ZNF385D: variants seen among roughly 807,000 people sequenced by gnomAD.
ZNF385D encodes zinc finger protein 385D.
A neutral mutation model predicts 35.8 loss-of-function variants in ZNF385D; 15 were observed. The ratio of observed to expected loss-of-function variants is 0.42; its 90% CI spans 0.28 to 0.64. The LOEUF (loss-of-function observed/expected upper bound fraction) is 0.64, where lower values mean the gene tolerates loss of function less well. ZNF385D is among the 30% of genes least tolerant of loss of function. The pLI, the probability that ZNF385D is intolerant of heterozygous loss-of-function variation, is 0.23. For missense variants in ZNF385D, 474 were observed against 494.6 expected (o/e 0.96, Z 0.39); for synonymous variants, 212 against 186.8 (o/e 1.13, Z -1.10).
In ZNF385D at chr3:21,840,454, CTCCT is replaced by C. The variant is rs1218991716; in HGVS notation, c.326-175430_326-175427del. Among the ~76,000 whole-genome samples the C allele has an allele frequency of 4.6e-5, 7 of 152,192 alleles. No homozygotes were observed. In the East Asian group the frequency reaches 1.4e-3, roughly 30 times the overall value. On this transcript the variant is annotated intron_variant, in intron 3 of 5. Transcript: ENST00000494108. ...CTGATATCTTCATATCGACATTGCACTCCTTCCTTTTGTCTAGTTGAATAGTGCT... is the reference window on the plus strand; with the variant it reads ...CTGATATCTTCATATCGACATTGCACTCCTTTTGTCTAGTTGAATAGTGCT...
At chr3:22,034,161 T>C (rs776735069) in intron 3 of ZNF385D, among the ~76,000 whole-genome samples, 3 of 152,174 alleles carry the variant, frequency 2.0e-5, no homozygotes, top group East Asian at 1.9e-4. Context: ...CCCAATGTGA[T>C]TGCATTATAA....
At chr3:21,857,445 T>C (rs1696787885) in intron 3 of ZNF385D, among the ~76,000 whole-genome samples, 1 of 152,010 alleles carries the variant, frequency 6.6e-6, no homozygotes, top group African/African-American at 2.4e-5. Context: ...TTTGTTGTTG[T>C]TGCTGTTCCT....
chr3:21,665,312 C>G lies in ZNF385D; in HGVS notation c.23-284G>C, dbSNP rs115188825. Among the ~76,000 whole-genome samples, 981 of 152,262 alleles carry G rather than the reference C, an allele frequency of 6.4e-3. 10 individuals are homozygous for G. Among genetic ancestry groups the G allele is most frequent in the African/African-American group, 0.022 (905 of 41,544 alleles). ...GTCTTTATTTTCCTGCCTAGAGCTC[C>G]AGATTGGGTCAGTCACAAATCTGCA... On this transcript the variant is annotated intron_variant, in intron 1 of 7. Transcript: ENST00000281523.
At position 21,785,392 on chromosome 3, in the gene ZNF385D, A is replaced by ATG. The variant is rs998649964; in HGVS notation, c.326-120366_326-120365dup. On this transcript the variant is annotated intron_variant, in intron 3 of 5. Coordinates refer to the ZNF385D transcript ENST00000494108. ...CATCATTTTTTTTGTGTGTATATAT[A>ATG]TGTGTGTGTGAGAACACTTAAGAAT... 5.9e-5 allele frequency among the ~76,000 whole-genome samples: 9 copies of ATG among 152,252 alleles called. 1 individual carries two copies. Among genetic ancestry groups the ATG allele is most frequent in the East Asian group, 1.9e-4 (1 of 5,180 alleles).
intron 3 of ZNF385D, among the ~76,000 whole-genome samples, chr3:21,558,281 T>C (rs1224634706): frequency 6.6e-6 from 1 of 152,152 alleles, no homozygotes; most frequent in African/African-American, 2.4e-5. Context: ...TGCTTTCTCT[T>C]GTGGGCATCT....
At position 22,238,706 on chromosome 3, in the gene ZNF385D, G is replaced by A. The variant is rs1302893040; in HGVS notation, c.107-69671C>T. 2.0e-5 allele frequency among the ~76,000 whole-genome samples: 3 copies of A among 150,490 alleles called. No homozygotes were observed. In the South Asian group the frequency reaches 6.5e-4, roughly 33 times the overall value. ...TGTGTATGTATTTGTGTGTATATGT[G>A]GGTGTGTAATGTTTCTTAATATTTT... On this transcript the variant is annotated intron_variant, in intron 2 of 5. Transcript: ENST00000494108.
chr3:21,458,441 C>T (rs1432685966), intron 4 of ZNF385D, among the ~76,000 whole-genome samples: 2 of 151,742 alleles, frequency 1.3e-5, no homozygotes, highest in East Asian at 2.0e-4. Context: ...AAGATCACAC[C>T]ACTGCACTCC....
chr3:21,976,349 T>C (rs1010490911), intron 3 of ZNF385D, among the ~76,000 whole-genome samples: 3 of 152,088 alleles, frequency 2.0e-5, no homozygotes, highest in Non-Finnish European at 2.9e-5. Context: ...AAATATAAAA[T>C]AGTTTTGATT....
At chr3:21,975,939 T>C (rs764762073) in intron 3 of ZNF385D, among the ~76,000 whole-genome samples, 3 of 151,922 alleles carry the variant, frequency 2.0e-5, no homozygotes, top group African/African-American at 7.3e-5. Context: ...AAGCCAAACA[T>C]ACTTGAAGGG....
chr3:21,559,627 GATT>G (rs1434370510), intron 3 of ZNF385D, among the ~76,000 whole-genome samples: 1 of 152,066 alleles, frequency 6.6e-6, no homozygotes, highest in East Asian at 1.9e-4. Context: ...TGAATCTGAT[GATT>G]ATGTGTCTTG....
intron 3 of ZNF385D, among the ~76,000 whole-genome samples, chr3:21,901,504 T>C (rs1381226998): frequency 6.6e-6 from 1 of 152,136 alleles, no homozygotes; most frequent in Non-Finnish European, 1.5e-5. Flanking sequence ...ACAGGAGTAA[T>C]AAAAATGGTT....
chr3:22,340,273 T>C (rs1695363262), intron 2 of ZNF385D, among the ~76,000 whole-genome samples: 1 of 152,156 alleles, frequency 6.6e-6, no homozygotes, highest in Non-Finnish European at 1.5e-5. Context: ...AAAGAACAGG[T>C]CTGGGTTCTA....
chr3:21,943,604 T>A (rs1461636993), intron 3 of ZNF385D, among the ~76,000 whole-genome samples: 1 of 152,102 alleles, frequency 6.6e-6, no homozygotes, highest in Non-Finnish European at 1.5e-5. Context: ...TTATATATAC[T>A]ACTTTGTAAG....
At position 22,158,527 on chromosome 3, in the gene ZNF385D, C is replaced by T. The variant is rs182505798; in HGVS notation, c.325+10290G>A. On this transcript the variant is annotated intron_variant, in intron 3 of 5. Transcript: ENST00000494108. ...TTTCAAGTTTCTTACAAAATACTAT[C>T]GCAATTTTGGAAGCAAGGAAAGAGA... is the stretch of plus-strand genomic sequence containing the variant. Among the ~76,000 whole-genome samples the T allele has an allele frequency of 7.2e-5, 11 of 152,164 alleles. No individual in the cohort carries two copies. In the East Asian group the frequency reaches 1.9e-3, roughly 27 times the overall value.
intron 3 of ZNF385D, among the ~76,000 whole-genome samples, chr3:22,017,860 T>A (rs1696983874): frequency 1.3e-5 from 2 of 151,940 alleles, no homozygotes; most frequent in Admixed American, 1.3e-4. Context: ...ACATACGTAT[T>A]TCATCTGAAT....
chr3:21,572,520 C>T (rs2063365708), intron 2 of ZNF385D, among the ~76,000 whole-genome samples: 1 of 152,134 alleles, frequency 6.6e-6, no homozygotes, highest in Non-Finnish European at 1.5e-5. Flanking sequence ...GAACTTAGGT[C>T]ATGTCCTTTT....
intron 5 of ZNF385D, among the ~76,000 whole-genome samples, chr3:21,436,136 C>A (rs938459693): frequency 1.3e-5 from 2 of 151,714 alleles, no homozygotes; most frequent in South Asian, 4.2e-4. Context: ...TCATTGTTTG[C>A]GAGACTGTGT....
chr3:21,902,895 G>A (rs1410669139), intron 3 of ZNF385D, among the ~76,000 whole-genome samples: 1 of 152,096 alleles, frequency 6.6e-6, no homozygotes, highest in Admixed American at 6.6e-5. Context: ...GTAACTGGCT[G>A]CTTTACTGAA....
At chr3:22,160,273 C>A (rs1389698731) in intron 3 of ZNF385D, among the ~76,000 whole-genome samples, 1 of 152,026 alleles carries the variant, frequency 6.6e-6, no homozygotes, top group Non-Finnish European at 1.5e-5. Context: ...AAAGAAGTTA[C>A]CATTATGAAA....
Sources: allele counts gnomAD v4.1 joint callset (sites outside exome capture counted in the v4.1 genomes callset), GRCh38; gene constraint gnomAD v4.1.1; transcripts MANE v1.5; gene names NCBI Gene and HGNC (gene_info 2026-07-23, HGNC 2026-07-21).